FHIT: variants seen among roughly 807,000 people sequenced by gnomAD.
FHIT encodes fragile histidine triad diadenosine triphosphatase.
In FHIT, 19 loss-of-function variants were observed where a neutral mutation model predicts 17.9. The observed-to-expected ratio is 1.06, with a 90% CI of 0.74 to 1.56. The LOEUF is 1.56. Ranked by LOEUF, FHIT falls within the 40% of genes most tolerant of loss-of-function variation. FHIT has a pLI of 0.00. For missense variants in FHIT, 248 were observed against 189.2 expected, an observed-to-expected ratio of 1.31 and a Z score of -1.82; for synonymous variants, 81 against 69.7, an observed-to-expected ratio of 1.16 and a Z score of -0.81.
At position 60,420,489 on chromosome 3, in the gene FHIT, C is replaced by A. The variant is rs578219958; in HGVS notation, c.103+116371G>T. 4.6e-5 allele frequency among the ~76,000 whole-genome samples: 7 copies of A among 152,132 alleles called. No individual in the cohort carries two copies. The South Asian group carries it at 1.5e-3, about 32-fold the overall frequency. ...TGTATTTTTTTTATTTAAAATGATA[C>A]AGCCAAACTGCTAAGCAATATATAT... On this transcript the variant is annotated intron_variant, in intron 5 of 9. Coordinates refer to ENST00000492590, the MANE Select transcript of FHIT (RefSeq NM_002012.4).
In FHIT at chr3:60,778,253, G is replaced by A. The variant is rs187001803; in HGVS notation, c.-18+43666C>T. The stretch of plus-strand genomic sequence containing the variant: ...AGATAACTAAACTTCTTTGTCAGTC[G>A]TGTTTCTAATTGTAACTACCCTGGA... On this transcript the variant is annotated intron_variant, in intron 4 of 9. Transcript: ENST00000492590. Among the ~76,000 whole-genome samples the A allele has an allele frequency of 1.2e-4, 19 of 152,266 alleles. 1 individual carries two copies. The East Asian group carries it at 3.1e-3, about 25-fold the overall frequency.
intron 3 of FHIT, among the ~76,000 whole-genome samples, chr3:60,969,224 T>C (rs1709892861): frequency 6.6e-6 from 1 of 152,142 alleles, no homozygotes; most frequent in Non-Finnish European, 1.5e-5. Flanking sequence ...ATAATTCAGA[T>C]TCCCTAAAAA....
intron 8 of FHIT, among the ~76,000 whole-genome samples, chr3:59,794,124 G>A (rs542657064): frequency 7.2e-5 from 11 of 152,192 alleles, no homozygotes; most frequent in South Asian, 6.2e-4. Context: ...TTGCTCCAGC[G>A]GATAAACATC....
chr3:60,540,908 C>T (rs933012083), intron 4 of FHIT, among the ~76,000 whole-genome samples: 12 of 152,130 alleles, frequency 7.9e-5, no homozygotes, highest in Admixed American at 3.9e-4. Context: ...CTCAAGGTGA[C>T]GTCCCTCCAC....
At chr3:60,702,470 G>T (rs966989576) in intron 4 of FHIT, among the ~76,000 whole-genome samples, 1 of 151,218 alleles carries the variant, frequency 6.6e-6, no homozygotes, top group Admixed American at 6.6e-5. Flanking sequence ...TTTCTATATA[G>T]GCCTTTTTTG....
intron 7 of FHIT, among the ~76,000 whole-genome samples, chr3:60,003,678 G>C (rs903920890): frequency 2.6e-5 from 4 of 151,712 alleles, no homozygotes; most frequent in Non-Finnish European, 5.9e-5. Flanking sequence ...CCGGGAGGCA[G>C]AGGTTTTAAT....
chr3:59,778,037 G>A (rs923834409), intron 8 of FHIT, among the ~76,000 whole-genome samples: 5 of 152,098 alleles, frequency 3.3e-5, no homozygotes, highest in African/African-American at 2.4e-5. Context: ...CACTCTCTGA[G>A]ATGTCTGTGT....
chr3:60,464,077 A>G (rs2032643045), intron 5 of FHIT, among the ~76,000 whole-genome samples: 1 of 152,188 alleles, frequency 6.6e-6, no homozygotes, highest in Non-Finnish European at 1.5e-5. Flanking sequence ...ATCCTGTGAA[A>G]AAACAGAAGT....
chr3:60,543,881 A>T (rs1310202335), intron 4 of FHIT, among the ~76,000 whole-genome samples: 3 of 138,260 alleles, frequency 2.2e-5, no homozygotes, highest in Non-Finnish European at 4.6e-5. Flanking sequence ...AGTAGCTGGG[A>T]CTACAAGCGC....
At chr3:61,202,604 C>A in intron 1 of FHIT, among the ~76,000 whole-genome samples, 1 of 151,000 alleles carries the variant, frequency 6.6e-6, no homozygotes, top group Admixed American at 6.6e-5. Context: ...AAAAGTATAA[C>A]AATATCTCAA....
chr3:60,622,884 C>T (rs1339140027), intron 4 of FHIT, among the ~76,000 whole-genome samples: 1 of 152,222 alleles, frequency 6.6e-6, no homozygotes, highest in Non-Finnish European at 1.5e-5. Context: ...TCAAAAGAAG[C>T]ATCTCTTCTC....
chr3:60,458,074 C>T (rs2032223919), intron 5 of FHIT, among the ~76,000 whole-genome samples: 1 of 152,144 alleles, frequency 6.6e-6, no homozygotes, highest in African/African-American at 2.4e-5. Context: ...CCAGCCATCC[C>T]ATTACTGGGT....
At chr3:59,949,214 C>T (rs61614530) in intron 7 of FHIT, among the ~76,000 whole-genome samples, 1 of 152,166 alleles carries the variant, frequency 6.6e-6, no homozygotes, top group African/African-American at 2.4e-5. Context: ...TTTCAGAGAT[C>T]CTCTCTCATT....
At chr3:60,205,369 G>T (rs770135653) in intron 5 of FHIT, among the ~76,000 whole-genome samples, 5 of 152,134 alleles carry the variant, frequency 3.3e-5, no homozygotes, top group Non-Finnish European at 7.3e-5. Flanking sequence ...ATATTAGCAG[G>T]TTGACAAATA....
rs60450546 is a variant in FHIT at position 60,616,359 on chromosome 3, A to G, written c.-17-79380T>C. ...GCAACACCTGGTGTCAACATATTTC[A>G]TCACATTTTAATGATTATGATGTGC... On this transcript the variant is annotated intron_variant, in intron 4 of 9. Coordinates refer to ENST00000492590, the MANE Select transcript of FHIT (RefSeq NM_002012.4). Among the ~76,000 whole-genome samples the G allele has an allele frequency of 2.6e-3, 390 of 152,326 alleles. 2 individuals carry two copies. The highest frequency in any genetic ancestry group is 9.1e-3 in the African/African-American group (380 of 41,582).
At position 60,628,525 on chromosome 3, in the gene FHIT, G is replaced by C. The variant is rs75149103; in HGVS notation, c.-17-91546C>G. 7.2e-3 allele frequency among the ~76,000 whole-genome samples: 1,100 copies of C among 152,246 alleles called. 11 individuals carry two copies. The highest frequency in any genetic ancestry group is 0.027 in the Middle Eastern group (8 of 294). On this transcript the variant is annotated intron_variant, in intron 4 of 9. Coordinates refer to ENST00000492590, the MANE Select transcript of FHIT (RefSeq NM_002012.4). ...TTCTATTGTTTTGAAAAATACCCTA[G>C]AGGCATAAATTTCTCCACAGTCTGA...
At chr3:61,198,894 CCGATGA>C (rs1166120128) in intron 2 of FHIT, among the ~76,000 whole-genome samples, 1 of 53,892 alleles carries the variant, frequency 1.9e-5, no homozygotes, top group Non-Finnish European at 3.8e-5. Flanking sequence ...GCTGCCGCCG[CCGATGA>C]TGATGATGAT....
intron 2 of FHIT, among the ~76,000 whole-genome samples, chr3:61,147,085 G>A (rs969234077): frequency 2.0e-5 from 3 of 151,958 alleles, no homozygotes; most frequent in Admixed American, 1.3e-4. Context: ...AGAACACAGA[G>A]TACCAAGTTC....
intron 4 of FHIT, among the ~76,000 whole-genome samples, chr3:60,779,400 T>A (rs897080061): frequency 3.9e-5 from 6 of 152,066 alleles, no homozygotes; most frequent in Non-Finnish European, 8.8e-5. Context: ...GAAATATGGA[T>A]CAATATTCTA....
Sources: gnomAD v4.1 joint callset for allele counts (sites outside exome capture counted in the v4.1 genomes callset) on GRCh38, gnomAD v4.1.1 for gene constraint, MANE v1.5 for transcripts, NCBI Gene and HGNC (gene_info 2026-07-23, HGNC 2026-07-21) for gene names.